The following WWOX variants were observed in gnomAD, a reference collection of about 807,000 sequenced individuals.
WWOX encodes the protein WW domain containing oxidoreductase, also known as WW domain-containing oxidoreductase.
Under a neutral mutation model 46.2 loss-of-function variants are expected in WWOX, and 69 were observed. The observed-to-expected ratio is 1.49, with a 90% CI of 1.23 to 1.82. The LOEUF is 1.82. Ranked by LOEUF, WWOX falls within the 40% of genes most tolerant of loss-of-function variation. The probability of loss-of-function intolerance (pLI) is 0.00; values close to 1 mark genes in which losing one functional copy is unlikely to be tolerated. For synonymous variants in WWOX, 359 were observed against 202.6 expected (o/e 1.77, Z -6.56); for missense variants, 919 against 542.6 (o/e 1.69, Z -6.89).
intron 8 of WWOX, among the ~76,000 whole-genome samples, chr16:79,122,908 A>G (rs2049669253): frequency 6.6e-6 from 1 of 152,176 alleles, no homozygotes; most frequent in African/African-American, 2.4e-5. Context: ...CTCAACTTTT[A>G]GGTCTCTGAG....
At chr16:78,921,206 A>G (rs1336096216) in intron 8 of WWOX, among the ~76,000 whole-genome samples, 1 of 152,214 alleles carries the variant, frequency 6.6e-6, no homozygotes, top group Non-Finnish European at 1.5e-5. Flanking sequence ...GTCTGCAGGC[A>G]AAACAGAGCT....
intron 8 of WWOX, among the ~76,000 whole-genome samples, chr16:78,982,273 T>C (rs1465653414): frequency 6.6e-6 from 1 of 152,228 alleles, no homozygotes; most frequent in Non-Finnish European, 1.5e-5. Context: ...CAGGCAAGTT[T>C]GAATCACTTT....
chr16:78,959,889 G>A (rs763346216), intron 8 of WWOX, among the ~76,000 whole-genome samples: 1 of 152,184 alleles, frequency 6.6e-6, no homozygotes, highest in Admixed American at 6.5e-5. Context: ...ATTGGATAAG[G>A]ATACAGCCTG....
intron 8 of WWOX, among the ~76,000 whole-genome samples, chr16:79,124,760 A>T (rs937691148): frequency 6.6e-6 from 1 of 152,240 alleles, no homozygotes. Context: ...AAGAGAAACT[A>T]AATTGGTTAG....
chr16:78,247,724 C>G (rs557471857), intron 5 of WWOX, among the ~76,000 whole-genome samples: 9 of 152,324 alleles, frequency 5.9e-5, no homozygotes, highest in Non-Finnish European at 1.2e-4. Context: ...CCTAGGGATG[C>G]TCTTCTGGTC....
intron 8 of WWOX, among the ~76,000 whole-genome samples, chr16:78,797,712 G>C (rs939102025): frequency 6.6e-6 from 1 of 152,208 alleles, no homozygotes; most frequent in Non-Finnish European, 1.5e-5. Context: ...TGGAGGCCAG[G>C]TGCGTTAGGT....
intron 8 of WWOX, among the ~76,000 whole-genome samples, chr16:78,459,752 T>C (rs1209366213): frequency 6.6e-6 from 1 of 152,218 alleles, no homozygotes. Context: ...ACATTCAGCC[T>C]GAAGGCCTAC....
intron 8 of WWOX, among the ~76,000 whole-genome samples, chr16:79,123,520 G>T (rs938212076): frequency 6.6e-6 from 1 of 152,058 alleles, no homozygotes; most frequent in African/African-American, 2.4e-5. Context: ...CCTCATAACA[G>T]TTCTGTGCCT....
intron 8 of WWOX, among the ~76,000 whole-genome samples, chr16:78,527,204 A>G (rs979749628): frequency 1.3e-5 from 2 of 152,066 alleles, no homozygotes; most frequent in Non-Finnish European, 2.9e-5. Context: ...GAACAACCCC[A>G]CACAACCTAA....
chr16:78,510,715 T>C (rs932123795), intron 8 of WWOX, among the ~76,000 whole-genome samples: 1 of 152,178 alleles, frequency 6.6e-6, no homozygotes, highest in Non-Finnish European at 1.5e-5. Flanking sequence ...GTGCTACAGA[T>C]CCTTCGTATC....
chr16:78,857,594 A>G (rs2052596490), intron 8 of WWOX, among the ~76,000 whole-genome samples: 1 of 152,194 alleles, frequency 6.6e-6, no homozygotes, highest in South Asian at 2.1e-4. Flanking sequence ...ACCTTAAACC[A>G]AATGTTATTT....
intron 8 of WWOX, among the ~76,000 whole-genome samples, chr16:78,972,205 G>A (rs2046484722): frequency 6.6e-6 from 1 of 152,114 alleles, no homozygotes; most frequent in Non-Finnish European, 1.5e-5. Flanking sequence ...CAGCTGCCGT[G>A]CTTGGAGGGG....
At chr16:78,749,635 G>T (rs960248005) in intron 8 of WWOX, among the ~76,000 whole-genome samples, 4 of 152,150 alleles carry the variant, frequency 2.6e-5, no homozygotes, top group Non-Finnish European at 5.9e-5. Flanking sequence ...AATTAGGGTG[G>T]AGGAAGTGTT....
chr16:78,885,924 A>ATTTT lies in WWOX; in HGVS notation c.1057-325669_1057-325666dup, dbSNP rs376409155. On this transcript the variant is annotated intron_variant, in intron 8 of 8. Coordinates refer to ENST00000566780, the MANE Select transcript of WWOX (RefSeq NM_016373.4). Reference sequence around the variant, plus strand: ...ATCCACGTACAGGGATGGGGATGGAATTTTTTTTTTTTTTTTTTGAGACAG... The same window carrying ATTTT: ...ATCCACGTACAGGGATGGGGATGGAATTTTTTTTTTTTTTTTTTTTTTGAGACAG... Among the ~76,000 whole-genome samples the ATTTT allele has an allele frequency of 8.8e-3, 1,193 of 135,706 alleles. 20 individuals are homozygous for ATTTT. Among genetic ancestry groups the ATTTT allele is most frequent in the Non-Finnish European group, 0.013 (831 of 64,042 alleles). 89.0% of individuals were successfully genotyped at this position (135,706 alleles called of 152,430 possible). A position where few individuals can be genotyped will look rare whatever the true frequency, so the allele number is the denominator to read the frequency against.
At chr16:78,173,257 T>C (rs2035221090) in intron 5 of WWOX, among the ~76,000 whole-genome samples, 1 of 152,194 alleles carries the variant, frequency 6.6e-6, no homozygotes, top group Admixed American at 6.5e-5. Context: ...ACTAACTCAC[T>C]CGGTGTCCCT....
intron 8 of WWOX, among the ~76,000 whole-genome samples, chr16:79,079,330 T>A (rs1016910804): frequency 6.6e-6 from 1 of 152,204 alleles, no homozygotes; most frequent in African/African-American, 2.4e-5. Context: ...GCCTCTCTTT[T>A]TTTCTTGGGT....
intron 8 of WWOX, among the ~76,000 whole-genome samples, chr16:78,774,741 CAT>C (rs371718302): frequency 1.2e-4 from 19 of 152,162 alleles, no homozygotes; most frequent in African/African-American, 4.3e-4. Flanking sequence ...CATACACACA[CAT>C]GGGCACATAT....
rs562162718 is a variant in WWOX, at chr16:78,433,850, C to T, written c.1056+1098C>T. Among the ~76,000 whole-genome samples, 553 of 125,626 alleles carry T rather than the reference C, an allele frequency of 4.4e-3. 2 individuals are homozygous for T. Among genetic ancestry groups the T allele is most frequent in the Non-Finnish European group, 6.7e-3 (429 of 63,956 alleles). 82.4% of individuals were successfully genotyped at this position (125,626 alleles called of 152,430 possible). On this transcript the variant is annotated intron_variant, in intron 8 of 8. Transcript: ENST00000566780. ...TGTCGCCCAGGCTGGAGTGCAGTGG[C>T]GGGATCTCGGCTCACTGCAAGCTCC...
At chr16:78,532,788 G>A (rs377439270) in intron 8 of WWOX, among the ~76,000 whole-genome samples, 1 of 152,084 alleles carries the variant, frequency 6.6e-6, no homozygotes, top group Non-Finnish European at 1.5e-5. Context: ...AGAACACCTT[G>A]GGAAAGACCT....
Sources: allele counts gnomAD v4.1 joint callset (sites outside exome capture counted in the v4.1 genomes callset), GRCh38; gene constraint gnomAD v4.1.1; transcripts MANE v1.5; gene names NCBI Gene and HGNC (gene_info 2026-07-23, HGNC 2026-07-21).